MTRES1: variants seen among roughly 807,000 people sequenced by gnomAD.
MTRES1 encodes uncharacterized protein C6orf203.
Under a neutral mutation model 17.4 loss-of-function variants are expected in MTRES1, and 11 were observed. The ratio of observed to expected loss-of-function variants is 0.63; its 90% CI spans 0.40 to 1.05. The LOEUF (loss-of-function observed/expected upper bound fraction) is 1.05, where lower values mean the gene tolerates loss of function less well. Ranked by LOEUF, MTRES1 falls within the 50% of genes least tolerant of loss-of-function variation. MTRES1 has a pLI of 0.00. For synonymous variants in MTRES1, 94 were observed against 99.6 expected (o/e 0.94, Z 0.34); for missense variants, 268 against 276.2 (o/e 0.97, Z 0.21).
Position 107,040,246 on chromosome 6 carries a change from AT to A in MTRES1, c.470+19del. Reference sequence around the variant, plus strand: ...TTGGGAGAAAGTGAGTATGATACGCATTTCATTATAAACTCGCTCGTAGTCA... The same window carrying A: ...TTGGGAGAAAGTGAGTATGATACGCATTCATTATAAACTCGCTCGTAGTCA... On this transcript the variant is annotated intron_variant, in intron 2 of 3. Transcript: ENST00000311381. 1 of 1,564,002 alleles carries A rather than the reference AT, an allele frequency of 6.4e-7. No individual in the cohort carries two copies. Among genetic ancestry groups the A allele is most frequent in the Non-Finnish European group, 8.6e-7 (1 of 1,161,006 alleles).
chr6:107,028,545 A>C (rs1773715814), intron 1 of MTRES1: 1 of 152,056 alleles, frequency 6.6e-6, no homozygotes, highest in Non-Finnish European at 1.5e-5. Context: ...GACCTTGGGG[A>C]CCCAGGAAGG....
Position 107,051,070 on chromosome 6 carries a change from A to G in MTRES1, c.557A>G (p.Asp186Gly). Reference sequence around the variant, plus strand: ...TTTAATTTTCAGGTGAAAGTGGGAGATACATTGGATCTTCTCATTGGAGAG... The same window carrying G: ...TTTAATTTTCAGGTGAAAGTGGGAGGTACATTGGATCTTCTCATTGGAGAG... ...WKKSRTVKVG[D>G]TLDLLIGEDK... The change falls in exon 4 of 4, where the codon GAT becomes GGT. Residue 186 changes from aspartate (D) to glycine (G), a missense_variant. Physicochemically the swap from Asp to Gly is moderately conservative, Grantham distance 94. Coordinates refer to ENST00000311381, the MANE Select transcript of MTRES1 (RefSeq NM_016487.5). 6.2e-7 allele frequency: 1 copy of G among 1,609,272 alleles called. No homozygotes were observed. The highest frequency in any genetic ancestry group is 1.1e-5 in the South Asian group (1 of 89,946).
At chr6:107,041,595 G>A (rs1458187751) in intron 2 of MTRES1, among the ~76,000 whole-genome samples, 4 of 151,882 alleles carry the variant, frequency 2.6e-5, no homozygotes, top group East Asian at 1.9e-4. Context: ...GCACGATCTC[G>A]GCTCACTGCA....
At chr6:107,031,637 G>T (rs560365533) in intron 1 of MTRES1, among the ~76,000 whole-genome samples, 5 of 149,420 alleles carry the variant, frequency 3.3e-5, no homozygotes, top group Non-Finnish European at 7.4e-5. Context: ...TCTCACTCTT[G>T]TTGTCCAGGC....
chr6:107,029,833 T>C (rs1159400361), intron 1 of MTRES1, among the ~76,000 whole-genome samples: 1 of 152,032 alleles, frequency 6.6e-6, no homozygotes, highest in Non-Finnish European at 1.5e-5. Flanking sequence ...CTCAAACTCT[T>C]GGACACAAGC....
chr6:107,038,403 C>T (rs181751474), intron 1 of MTRES1, among the ~76,000 whole-genome samples: 275 of 152,232 alleles, frequency 1.8e-3, no homozygotes, highest in Non-Finnish European at 3.2e-3. Flanking sequence ...GTGAGTCTGC[C>T]ACCATCATAA....
At chr6:107,039,315 T>G (rs970868388) in intron 1 of MTRES1, among the ~76,000 whole-genome samples, 3 of 152,026 alleles carry the variant, frequency 2.0e-5, no homozygotes, top group Admixed American at 1.3e-4. Flanking sequence ...TGTTTTTTTG[T>G]TTTTTGGTTT....
chr6:107,044,164 T>C (rs1774313141), intron 2 of MTRES1, 96 bp from the exon 3 acceptor site: 5 of 801,494 alleles, frequency 6.2e-6, no homozygotes, highest in Non-Finnish European at 1.0e-5. Context: ...ACAAGTGTAG[T>C]TTTGTTACGT....
At chr6:107,030,709 A>G (rs1240863900) in intron 1 of MTRES1, among the ~76,000 whole-genome samples, 1 of 152,202 alleles carries the variant, frequency 6.6e-6, no homozygotes, top group Non-Finnish European at 1.5e-5. Flanking sequence ...TTAGAATCAC[A>G]TTGTACAGTT....
intron 3 of MTRES1, among the ~76,000 whole-genome samples, chr6:107,046,930 T>TTTTGTGTGTGTGTGTGTGTGTG (rs1367322880): frequency 3.0e-5 from 1 of 33,018 alleles, no homozygotes; most frequent in African/African-American, 6.7e-5. Context: ...GGATTCATTC[T>TTTTGTGTGTGTGTGTGTGTGTG]TGTGTGTGTG....
At chr6:107,043,994 G>A (rs190590600) in intron 2 of MTRES1, among the ~76,000 whole-genome samples, 14 of 152,286 alleles carry the variant, frequency 9.2e-5, no homozygotes, top group African/African-American at 2.9e-4. Flanking sequence ...ATGTTGATGT[G>A]TGCCTGTAGT....
chr6:107,029,280 C>A (rs1196375632), intron 1 of MTRES1, among the ~76,000 whole-genome samples: 5 of 151,994 alleles, frequency 3.3e-5, no homozygotes, highest in Non-Finnish European at 7.4e-5. Flanking sequence ...CTCCGCCTCC[C>A]GGGTTCACGC....
rs1380434852 is a variant in MTRES1 at position 107,051,038 on chromosome 6, G to C, written c.544-19G>C. 1 of 1,592,122 alleles carries C rather than the reference G, an allele frequency of 6.3e-7. No individual in the cohort carries two copies. The highest frequency in any genetic ancestry group is 1.7e-5 in the Admixed American group (1 of 57,802). On this transcript the variant is annotated intron_variant, in intron 3 of 3. Coordinates refer to ENST00000311381, the MANE Select transcript of MTRES1 (RefSeq NM_016487.5). ...TTTCCCGAAGTGTAACCAAGCCTCT[G>C]TTTTCTTTTAATTTTCAGGTGAAAG...
intron 1 of MTRES1, chr6:107,030,238 C>T (rs782043517): frequency 1.3e-5 from 9 of 696,776 alleles, no homozygotes; most frequent in Non-Finnish European, 2.1e-5. Flanking sequence ...TTTAGACCAT[C>T]GTAGAGACTT....
At chr6:107,036,970 T>TA (rs1554227019) in intron 1 of MTRES1, among the ~76,000 whole-genome samples, 2 of 152,154 alleles carry the variant, frequency 1.3e-5, no homozygotes, top group South Asian at 2.1e-4. Context: ...TCTGTAGAGA[T>TA]AGAGTCTTAC....
intron 1 of MTRES1, among the ~76,000 whole-genome samples, chr6:107,038,689 C>A (rs6932908): frequency 0.17 from 26,177 of 152,148 alleles, 2,461 homozygotes; most frequent in Non-Finnish European, 0.22. Context: ...TGGTGTCCTT[C>A]CTTGGCAAAG....
In MTRES1 at chr6:107,051,287, T is replaced by G; in HGVS notation, c.*51T>G. Reference sequence around the variant, plus strand: ...TGCTTTCTAGTGGTAAAGGAAGGGGTCACCTGAAAAATAGGACATTTTTAT... The same window carrying G: ...TGCTTTCTAGTGGTAAAGGAAGGGGGCACCTGAAAAATAGGACATTTTTAT... On this transcript the variant is annotated 3_prime_UTR_variant, in exon 4 of 4. Transcript: ENST00000311381. 1 of 1,432,666 alleles carries G rather than the reference T, an allele frequency of 7.0e-7. No homozygotes were observed. The highest frequency in any genetic ancestry group is 1.4e-5 in the African/African-American group (1 of 69,504). The allele number at this position is 1,432,666 out of a possible 1,614,324, so 88.7% of individuals were successfully genotyped here.
intron 3 of MTRES1, among the ~76,000 whole-genome samples, chr6:107,046,819 T>TCCAAGTATGGGGATG (rs1317480032): frequency 1.3e-5 from 2 of 152,174 alleles, no homozygotes; most frequent in African/African-American, 4.8e-5. Flanking sequence ...GTGTGTGGTG[T>TCCAAGTATGGGGATG]CCAAGTATGG....
chr6:107,033,218 T>C (rs1191992659), intron 1 of MTRES1, among the ~76,000 whole-genome samples: 1 of 152,120 alleles, frequency 6.6e-6, no homozygotes, highest in African/African-American at 2.4e-5. Context: ...GTTTGGGAGA[T>C]AATTTGTGAC....
Sources: gnomAD v4.1 joint callset for allele counts (sites outside exome capture counted in the v4.1 genomes callset) on GRCh38, gnomAD v4.1.1 for gene constraint, MANE v1.5 for transcripts, NCBI Gene and HGNC (gene_info 2026-07-23, HGNC 2026-07-21) for gene names.